Variants in ZSWIM5 observed in about 807,000 individuals in gnomAD.
ZSWIM5 encodes the protein zinc finger SWIM domain-containing protein 5.
A neutral mutation model predicts 119.6 loss-of-function variants in ZSWIM5; 55 were observed. The ratio of observed to expected loss-of-function variants is 0.46; its 90% CI spans 0.37 to 0.58. The LOEUF is 0.58. Ranked by LOEUF, ZSWIM5 falls within the 20% of genes least tolerant of loss-of-function variation. The pLI is 0.00. For missense variants in ZSWIM5, 1,193 were observed against 1,512.8 expected (o/e 0.79, Z 3.51); for synonymous variants, 537 against 606.9 (o/e 0.88, Z 1.69).
intron 1 of ZSWIM5, among the ~76,000 whole-genome samples, chr1:45,182,431 C>A (rs1646027300): frequency 7.4e-5 from 11 of 148,020 alleles, no homozygotes; most frequent in East Asian, 1.9e-4. Context: ...AACAAACAAA[C>A]AAACAAAAAG....
intron 2 of ZSWIM5, among the ~76,000 whole-genome samples, chr1:45,066,090 C>T (rs1249493703): frequency 1.4e-5 from 2 of 146,508 alleles, no homozygotes; most frequent in African/African-American, 5.1e-5. Flanking sequence ...TCAATACCCA[C>T]CTATGAGTGA....
intron 1 of ZSWIM5, among the ~76,000 whole-genome samples, chr1:45,191,508 T>C (rs1646093208): frequency 6.6e-6 from 1 of 152,198 alleles, no homozygotes. Context: ...CCCACATCTA[T>C]TTCCAGATAA....
intron 1 of ZSWIM5, among the ~76,000 whole-genome samples, chr1:45,200,186 G>A (rs960132629): frequency 1.3e-5 from 2 of 151,980 alleles, no homozygotes; most frequent in Non-Finnish European, 2.9e-5. Flanking sequence ...ACATCCTAAG[G>A]GGGAGAACAA....
At chr1:45,034,581 T>A in intron 10 of ZSWIM5, 112 bp from the exon 11 acceptor site, 1 of 1,319,640 alleles carries the variant, frequency 7.6e-7, no homozygotes, top group Non-Finnish European at 1.0e-6. Flanking sequence ...AAGGATTAAC[T>A]AAGAGCTTTG....
At chr1:45,146,275 G>A (rs1645758882) in intron 1 of ZSWIM5, among the ~76,000 whole-genome samples, 2 of 151,758 alleles carry the variant, frequency 1.3e-5, no homozygotes, top group South Asian at 2.1e-4. Flanking sequence ...AGCTGATGAT[G>A]TAGTCCAGCT....
chr1:45,191,828 T>C (rs1646094741), intron 1 of ZSWIM5, among the ~76,000 whole-genome samples: 1 of 152,218 alleles, frequency 6.6e-6, no homozygotes, highest in South Asian at 2.1e-4. Context: ...ATTGGAATAT[T>C]TGCTTTTCTA....
intron 1 of ZSWIM5, among the ~76,000 whole-genome samples, chr1:45,149,008 C>A (rs1645779033): frequency 6.6e-6 from 1 of 152,106 alleles, no homozygotes; most frequent in Non-Finnish European, 1.5e-5. Context: ...TGGCCCATGC[C>A]TTGTAAGCCC....
intron 1 of ZSWIM5, among the ~76,000 whole-genome samples, chr1:45,106,746 T>C (rs1645482096): frequency 6.6e-6 from 1 of 152,012 alleles, no homozygotes; most frequent in African/African-American, 2.4e-5. Flanking sequence ...TGGGCCATGA[T>C]GACTATGGCG....
At chr1:45,070,394 G>T in intron 2 of ZSWIM5, 1 of 1,423,212 alleles carries the variant, frequency 7.0e-7, no homozygotes, top group South Asian at 1.2e-5. Flanking sequence ...TAGGACATTC[G>T]AGCACAAAGA....
intron 1 of ZSWIM5, among the ~76,000 whole-genome samples, chr1:45,159,884 C>T (rs533498991): frequency 3.3e-5 from 5 of 152,218 alleles, no homozygotes; most frequent in Admixed American, 6.5e-5. Flanking sequence ...CCACCGTGCC[C>T]GGCCTCTCAA....
chr1:45,182,594 C>T (rs1646028432), intron 1 of ZSWIM5, among the ~76,000 whole-genome samples: 1 of 152,114 alleles, frequency 6.6e-6, no homozygotes, highest in Non-Finnish European at 1.5e-5. Flanking sequence ...GCAGGGGTTG[C>T]AATCCTAGTC....
chr1:45,054,813 A>G (rs929193065), intron 4 of ZSWIM5, among the ~76,000 whole-genome samples: 1 of 152,094 alleles, frequency 6.6e-6, no homozygotes, highest in African/African-American at 2.4e-5. Context: ...ATAGGGAATC[A>G]AGGATAACCC....
At chr1:45,051,576 G>C (rs1303729554) in intron 4 of ZSWIM5, among the ~76,000 whole-genome samples, 1 of 152,180 alleles carries the variant, frequency 6.6e-6, no homozygotes, top group Non-Finnish European at 1.5e-5. Context: ...GAATAAAGCA[G>C]ACACTGTTCC....
intron 1 of ZSWIM5, among the ~76,000 whole-genome samples, chr1:45,145,535 C>G (rs346719): frequency 0.15 from 22,850 of 151,820 alleles, 1,777 homozygotes; most frequent in Non-Finnish European, 0.16. Context: ...TATATCAAAG[C>G]CATTATGCTG....
rs140248860 is a variant in ZSWIM5 at position 45,204,824 on chromosome 1, T to C, written c.595+932A>G. ...CATAATAATCCAAATAGAAAAAAAT[T>C]CGTGTTTTAATTTTCCACATAGCAA... On this transcript the variant is annotated intron_variant, in intron 1 of 13. Transcript: ENST00000359600. Among the ~76,000 whole-genome samples, 271 of 152,258 alleles carry C rather than the reference T, an allele frequency of 1.8e-3. 4 individuals are homozygous for C. Among genetic ancestry groups the C allele is most frequent in the Middle Eastern group, 6.8e-3 (2 of 294 alleles).
At chr1:45,024,887 T>C (rs1644911240) in intron 11 of ZSWIM5, among the ~76,000 whole-genome samples, 1 of 152,036 alleles carries the variant, frequency 6.6e-6, no homozygotes, top group African/African-American at 2.4e-5. Flanking sequence ...ACTCCTGACC[T>C]CAGATGATCT....
At chr1:45,077,600 A>G (rs543955468) in intron 2 of ZSWIM5, among the ~76,000 whole-genome samples, 1 of 152,336 alleles carries the variant, frequency 6.6e-6, no homozygotes, top group East Asian at 1.9e-4. Flanking sequence ...CATTGATAAC[A>G]TCTTATCAGG....
chr1:45,164,530 T>C lies in ZSWIM5; in HGVS notation c.595+41226A>G, dbSNP rs530900765. On this transcript the variant is annotated intron_variant, in intron 1 of 13. Coordinates refer to ENST00000359600, the MANE Select transcript of ZSWIM5 (RefSeq NM_020883.2). The stretch of plus-strand genomic sequence containing the variant: ...AATTAAAAGACACAGACTGGCAAAT[T>C]GGATAAAGAGTCAAGACCCATCAGT... 2.9e-4 allele frequency among the ~76,000 whole-genome samples: 44 copies of C among 152,184 alleles called. No homozygotes were observed. In the South Asian group the frequency reaches 4.1e-3, roughly 14 times the overall value.
chr1:45,170,331 T>A (rs1645938667), intron 1 of ZSWIM5, among the ~76,000 whole-genome samples: 1 of 151,898 alleles, frequency 6.6e-6, no homozygotes, highest in Non-Finnish European at 1.5e-5. Context: ...ACTGGCAAAG[T>A]AAATATTAAA....
Sources: gnomAD v4.1 joint callset for allele counts (sites outside exome capture counted in the v4.1 genomes callset) on GRCh38, gnomAD v4.1.1 for gene constraint, MANE v1.5 for transcripts, NCBI Gene and HGNC (gene_info 2026-07-23, HGNC 2026-07-21) for gene names.